Variants in BRF1 observed in about 807,000 individuals in gnomAD.
BRF1 encodes transcription factor IIIB 90 kDa subunit.
BRF1 carries 59 observed loss-of-function variants against 81.7 expected under a neutral mutation model. The observed-to-expected ratio is 0.72, with a 90% CI of 0.59 to 0.90. The LOEUF (loss-of-function observed/expected upper bound fraction) is 0.90, where lower values mean the gene tolerates loss of function less well. Among genes scored for constraint, BRF1 ranks in the 40% least tolerant of loss-of-function variants. BRF1 has a pLI of 0.00. For missense variants in BRF1, 1,050 were observed against 936.3 expected (o/e 1.12, Z -1.58); for synonymous variants, 491 against 395.6 (o/e 1.24, Z -2.86).
At chr14:105,211,527 C>A in intron 16 of BRF1, 1 of 550,952 alleles carries the variant, frequency 1.8e-6, no homozygotes, top group Non-Finnish European at 3.2e-6. Context: ...AGCCCCTGCT[C>A]CTGTATCCTA....
intron 5 of BRF1, chr14:105,249,844 C>A (rs1342236893): frequency 6.2e-7 from 1 of 1,613,238 alleles, no homozygotes. Context: ...GCTGGGAGGT[C>A]ATTGACGCAC....
In BRF1 at chr14:105,217,667, C is replaced by A; in HGVS notation, c.1649G>T (p.Gly550Val). The stretch of plus-strand genomic sequence containing the variant: ...ATCCTCCCTGTGCGGACTGCCCCCG[C>A]CGGCGCTGCTGAGGCCCCGGAGCAC... ...YSVLRGLSSA[G>V]GGSPHREDAQ... Residue 550 changes from glycine to valine, a missense_variant, in exon 15 of 18, where the codon GGC becomes GTC. By Grantham distance (109) the Gly-to-Val change is moderately radical (BLOSUM62 -3). Transcript: ENST00000547530. 1 of 1,613,432 alleles carries A rather than the reference C, an allele frequency of 6.2e-7. No individual in the cohort carries two copies.
intron 1 of BRF1, among the ~76,000 whole-genome samples, chr14:105,288,084 G>C (rs774525770): frequency 3.3e-5 from 5 of 152,204 alleles, no homozygotes; most frequent in Non-Finnish European, 7.3e-5. Flanking sequence ...AGACTACCTA[G>C]GTTGTCACAA....
chr14:105,250,390 G>C lies in BRF1; in HGVS notation c.544+2117C>G, dbSNP rs757435645. Reference sequence around the variant, plus strand: ...AGTACAGCGTGAAGATTGAGCTCAAGCGGCTCGGGGTGGTTCTGGCTCAGA... The same window carrying C: ...AGTACAGCGTGAAGATTGAGCTCAACCGGCTCGGGGTGGTTCTGGCTCAGA... On this transcript the variant is annotated intron_variant, in intron 5 of 17. Coordinates refer to ENST00000547530, the MANE Select transcript of BRF1 (RefSeq NM_001519.4). 6 of 1,613,860 alleles carry C rather than the reference G, an allele frequency of 3.7e-6. No individual in the cohort carries two copies. In the Middle Eastern group the frequency reaches 6.6e-4, roughly 177 times the overall value.
intron 12 of BRF1, 167 bp downstream of exon 12, chr14:105,219,902 G>T (rs959051116): frequency 5.7e-5 from 29 of 512,852 alleles, no homozygotes; most frequent in Middle Eastern, 4.9e-4. Context: ...AAGAGAGTGT[G>T]GGGGGGGGTC....
rs752126840 is a variant in BRF1, at chr14:105,247,930, C to T, written c.544+4577G>A. The T allele has an allele frequency of 4.8e-4, 469 of 985,384 alleles. 1 individual carries two copies. The highest frequency in any genetic ancestry group is 5.3e-4 in the Non-Finnish European group (439 of 830,010). 61.0% of individuals were successfully genotyped at this position (985,384 alleles called of 1,614,324 possible). Reference sequence around the variant, plus strand: ...CCAGGCCGGGAGGCTAGAGGCCCCACAAGGAGCGAGCCTGCGACTGCGATC... The same window carrying T: ...CCAGGCCGGGAGGCTAGAGGCCCCATAAGGAGCGAGCCTGCGACTGCGATC... On this transcript the variant is annotated intron_variant, in intron 5 of 17. Transcript: ENST00000547530.
At chr14:105,286,513 C>T in intron 1 of BRF1, 137 bp from the exon 2 acceptor site, 1 of 828,468 alleles carries the variant, frequency 1.2e-6, no homozygotes, top group Non-Finnish European at 2.0e-6. Context: ...CGGCCCCCCG[C>T]ACCTCCGTCA....
intron 7 of BRF1, 105 bp from the exon 8 acceptor site, chr14:105,226,865 T>G: frequency 6.4e-7 from 1 of 1,559,076 alleles, no homozygotes; most frequent in Non-Finnish European, 8.7e-7. Flanking sequence ...TCCCAGTGCT[T>G]TGGGAGCCCA....
At chr14:105,304,992 C>T (rs1354579403), upstream of BRF1, among the ~76,000 whole-genome samples, 1 of 152,186 alleles carries the variant, frequency 6.6e-6, no homozygotes, top group Non-Finnish European at 1.5e-5. Context: ...ATGTGTGTTC[C>T]CCCAAAGTCC....
intron 7 of BRF1, 40 bp downstream of exon 7, chr14:105,228,780 C>G: frequency 1.2e-6 from 2 of 1,607,824 alleles, no homozygotes; most frequent in Non-Finnish European, 8.5e-7. Context: ...ACTGATGAAG[C>G]CTCTGTGTGG....
intron 5 of BRF1, among the ~76,000 whole-genome samples, chr14:105,251,362 CG>C (rs587733516): frequency 1.4e-3 from 218 of 152,302 alleles, no homozygotes; most frequent in Non-Finnish European, 2.5e-3. Flanking sequence ...AACAGACTGT[CG>C]GGGGAGCATT....
At chr14:105,220,200 G>A (rs1892052245) in intron 11 of BRF1, 70 bp from the exon 12 acceptor site, 3 of 1,582,872 alleles carry the variant, frequency 1.9e-6, no homozygotes, top group African/African-American at 1.3e-5. Flanking sequence ...CACCACCTGG[G>A]CTGGCTCAGG....
chr14:105,219,968 GGGC>G (rs1273874091), intron 12 of BRF1, 98 bp downstream of exon 12: 7 of 1,343,628 alleles, frequency 5.2e-6, no homozygotes, highest in Non-Finnish European at 7.3e-6. Flanking sequence ...GGTGGGCTCT[GGGC>G]AGGGGAGGTG....
chr14:105,291,937 G>A (rs1055884349), intron 1 of BRF1, among the ~76,000 whole-genome samples: 1 of 152,112 alleles, frequency 6.6e-6, no homozygotes, highest in Admixed American at 6.6e-5. Context: ...GGCGGAGGCT[G>A]CAGTGAGATG....
At chr14:105,294,626 G>T (rs900889549) in intron 1 of BRF1, among the ~76,000 whole-genome samples, 1 of 152,178 alleles carries the variant, frequency 6.6e-6, no homozygotes, top group Non-Finnish European at 1.5e-5. Flanking sequence ...GATGGGGAGG[G>T]AAGAGCAGGA....
chr14:105,248,860 C>A, intron 5 of BRF1: 1 of 989,962 alleles, frequency 1.0e-6, no homozygotes, highest in Non-Finnish European at 1.2e-6. Context: ...CCCGCCGCCC[C>A]GCCCGCGAAG....
chr14:105,216,979 G>A (rs587767573), intron 15 of BRF1, among the ~76,000 whole-genome samples: 3 of 152,304 alleles, frequency 2.0e-5, no homozygotes, highest in South Asian at 2.1e-4. Context: ...GCCTGCAGCC[G>A]CCACCCAGCG....
At chr14:105,217,361 A>G (rs1465606133) in intron 15 of BRF1, 183 bp downstream of exon 15, 2 of 924,838 alleles carry the variant, frequency 2.2e-6, no homozygotes, top group Non-Finnish European at 3.2e-6. Context: ...CAGGCCAAGG[A>G]GAGTTGAGAC....
At chr14:105,241,481 C>A in intron 5 of BRF1, 67 bp from the exon 6 acceptor site, 9 of 1,593,044 alleles carry the variant, frequency 5.6e-6, no homozygotes, top group Non-Finnish European at 7.7e-6. Flanking sequence ...GCGGCCCACG[C>A]AGCCCAGGGG....
Sources: allele counts gnomAD v4.1 joint callset (sites outside exome capture counted in the v4.1 genomes callset), GRCh38; gene constraint gnomAD v4.1.1; transcripts MANE v1.5; gene names NCBI Gene and HGNC (gene_info 2026-07-23, HGNC 2026-07-21).